Variants in SLC38A7 observed in about 807,000 individuals in gnomAD.
The protein encoded by SLC38A7 is solute carrier family 38 member 7.
SLC38A7 carries 29 observed loss-of-function variants against 50.1 expected under a neutral mutation model. That is an observed-to-expected ratio of 0.58 (90% CI 0.43 to 0.79). SLC38A7 has a LOEUF of 0.79. SLC38A7 is among the 30% of genes least tolerant of loss of function. The probability of loss-of-function intolerance (pLI) is 0.00; values close to 1 mark genes in which losing one functional copy is unlikely to be tolerated. For missense variants in SLC38A7, 483 were observed against 610.6 expected (o/e 0.79, Z 2.20); for synonymous variants, 244 against 245.9 (o/e 0.99, Z 0.07).
At position 58,667,418 on chromosome 16, in the gene SLC38A7, TG is replaced by T; in HGVS notation, c.1355del (p.Thr452LysfsTer38). The T allele has an allele frequency of 6.2e-7, 1 of 1,614,044 alleles. No individual in the cohort carries two copies. The highest frequency in any genetic ancestry group is 8.5e-7 in the Non-Finnish European group (1 of 1,180,034). On this transcript the variant is annotated frameshift_variant, in exon 12 of 12. Coordinates refer to ENST00000219320, the MANE Select transcript of SLC38A7 (RefSeq NM_018231.3). LOFTEE classifies it high-confidence loss of function. ...TLGAFIFGQT[T>X]ANAIFVDLLA The stretch of plus-strand genomic sequence containing the variant: ...AGAGATCCACAAAGATGGCGTTGGC[TG>T]TGGTCTGGCCGAAGATGAAGGCTCC...
intron 11 of SLC38A7, among the ~76,000 whole-genome samples, 196 bp downstream of exon 11, chr16:58,669,917 G>C (rs935208233): frequency 1.3e-5 from 2 of 151,788 alleles, no homozygotes; most frequent in African/African-American, 4.8e-5. Flanking sequence ...GGAGCTTGCA[G>C]TGAGCTGAGA....
intron 9 of SLC38A7, chr16:58,671,870 T>C: frequency 2.3e-6 from 1 of 433,508 alleles, no homozygotes; most frequent in Non-Finnish European, 4.0e-6. Flanking sequence ...TGCCATGCCA[T>C]GGATAGAGAT....
At chr16:58,668,713 CAA>C (rs71155292) in intron 11 of SLC38A7, among the ~76,000 whole-genome samples, 85 of 33,806 alleles carry the variant, frequency 2.5e-3, no homozygotes, top group African/African-American at 6.6e-3. Context: ...AACTCCATCT[CAA>C]AAAAAAAAAA....
intron 8 of SLC38A7, among the ~76,000 whole-genome samples, chr16:58,674,844 G>C (rs1475827760): frequency 2.0e-5 from 3 of 152,000 alleles, no homozygotes; most frequent in Non-Finnish European, 4.4e-5. Flanking sequence ...CCTTCTTCCA[G>C]GGTCTCCTAG....
chr16:58,669,490 C>G (rs562844099), intron 11 of SLC38A7, among the ~76,000 whole-genome samples: 2 of 152,188 alleles, frequency 1.3e-5, no homozygotes, highest in African/African-American at 4.8e-5. Context: ...TACACAGACA[C>G]GCACACATGT....
At chr16:58,670,917 G>A in intron 10 of SLC38A7, 128 bp downstream of exon 10, 1 of 985,962 alleles carries the variant, frequency 1.0e-6, no homozygotes, top group Non-Finnish European at 1.6e-6. Flanking sequence ...ACAGAGGCGA[G>A]ACAGGTGATC....
chr16:58,675,927 G>GT lies in SLC38A7; in HGVS notation c.883+12_883+13insA, dbSNP rs2044255930. On this transcript the variant is annotated intron_variant, in intron 8 of 11. Transcript: ENST00000219320. The stretch of plus-strand genomic sequence containing the variant: ...CACTCTAGTCCCAGGTCTTGGGGGG[G>GT]GGGAGCACTCACCTGTCCCCATGTA... The GT allele has an allele frequency of 1.3e-6, 2 of 1,594,734 alleles. No individual in the cohort carries two copies. The highest frequency in any genetic ancestry group is 1.3e-5 in the African/African-American group (1 of 74,510).
chr16:58,680,687 G>T (rs1460426479), intron 2 of SLC38A7, among the ~76,000 whole-genome samples: 1 of 151,986 alleles, frequency 6.6e-6, no homozygotes, highest in Non-Finnish European at 1.5e-5. Context: ...CACCCCACAG[G>T]GTCCCAAAAG....
intron 8 of SLC38A7, among the ~76,000 whole-genome samples, 176 bp downstream of exon 8, chr16:58,675,764 C>T (rs561779791): frequency 7.9e-5 from 12 of 152,164 alleles, no homozygotes; most frequent in Non-Finnish European, 1.3e-4. Context: ...TGGATGAATA[C>T]ACCACTCTCA....
chr16:58,677,553 CAG>C, intron 5 of SLC38A7, 129 bp from the exon 6 acceptor site: 1 of 763,298 alleles, frequency 1.3e-6, no homozygotes, highest in Non-Finnish European at 2.2e-6. Flanking sequence ...CTATGCCAAG[CAG>C]ACTCAGGAAA....
At position 58,672,115 on chromosome 16, in the gene SLC38A7, T is replaced by G. The variant is rs2044170831; in HGVS notation, c.1012A>C (p.Ile338Leu). 6.4e-7 allele frequency: 1 copy of G among 1,557,638 alleles called. No homozygotes were observed. Among genetic ancestry groups the G allele is most frequent in the African/African-American group, 1.4e-5 (1 of 72,994 alleles). The change falls in exon 9 of 12, where the codon ATC becomes CTC. Residue 338 changes from isoleucine (I) to leucine (L), a missense_variant. Physicochemically the swap from Ile to Leu is conservative, Grantham distance 5. Transcript: ENST00000219320. Reference sequence around the variant, plus strand: ...GCTCACCGCCCACAGAAGTGCAGGATAGGGTAGGAGGTGAGCACGCTCAGG... The same window carrying G: ...GCTCACCGCCCACAGAAGTGCAGGAGAGGGTAGGAGGTGAGCACGCTCAGG... The part of the protein sequence containing the change: ...IILSVLTSYP[I>L]LHFCGRAVVE...
rs2044168190 is a variant in SLC38A7, at chr16:58,672,016, G to C, written c.1031+80C>G. On this transcript the variant is annotated intron_variant, in intron 9 of 11. Coordinates refer to ENST00000219320, the MANE Select transcript of SLC38A7 (RefSeq NM_018231.3). Reference sequence around the variant, plus strand: ...TTCAGTTTCTCCTTCTACAGGATGGGGTCCACACAAGGCCAAAGGACCATG... The same window carrying C: ...TTCAGTTTCTCCTTCTACAGGATGGCGTCCACACAAGGCCAAAGGACCATG... 3.6e-6 allele frequency: 5 copies of C among 1,405,474 alleles called. No homozygotes were observed. In the South Asian group the frequency reaches 4.4e-5, roughly 12 times the overall value. The allele number at this position is 1,405,474 out of a possible 1,614,324, so 87.1% of individuals were successfully genotyped here. A position where few individuals can be genotyped will look rare whatever the true frequency, so the allele number is the denominator to read the frequency against.
At position 58,684,702 on chromosome 16, in the gene SLC38A7, T is replaced by C. The variant is rs2044455681; in HGVS notation, c.-340+15A>G. 6.6e-6 allele frequency: 1 copy of C among 152,298 alleles called. No individual in the cohort carries two copies. The highest frequency in any genetic ancestry group is 2.1e-4 in the South Asian group (1 of 4,836). 9.4% of individuals were successfully genotyped at this position (152,298 alleles called of 1,614,324 possible). A position where few individuals can be genotyped will look rare whatever the true frequency, so the allele number is the denominator to read the frequency against. On this transcript the variant is annotated intron_variant, in intron 1 of 11. Transcript: ENST00000219320. ...TAACACTTCCACCCTCCAGAGCCTG[T>C]CTCCGGCCACCTACCTTGGGGGATT...
At chr16:58,677,644 C>T (rs1231264087) in intron 5 of SLC38A7, 1 of 541,292 alleles carries the variant, frequency 1.8e-6, no homozygotes, top group Non-Finnish European at 3.3e-6. Flanking sequence ...GATCAGCATT[C>T]CTGGCCATCA....
intron 2 of SLC38A7, among the ~76,000 whole-genome samples, chr16:58,680,838 T>C (rs1162770384): frequency 2.0e-5 from 3 of 152,212 alleles, no homozygotes; most frequent in Non-Finnish European, 4.4e-5. Flanking sequence ...CAAGCCCCCA[T>C]GCCTGTCATG....
chr16:58,676,185 C>A, intron 7 of SLC38A7, 104 bp downstream of exon 7: 1 of 1,575,242 alleles, frequency 6.3e-7, no homozygotes, highest in South Asian at 1.1e-5. Context: ...TCCTTCCCCC[C>A]AGGATTTCCT....
chr16:58,683,006 T>A (rs2044424286), intron 2 of SLC38A7, among the ~76,000 whole-genome samples: 1 of 151,818 alleles, frequency 6.6e-6, no homozygotes, highest in African/African-American at 2.4e-5. Flanking sequence ...TTCTCCCATG[T>A]GACTTCTCCC....
chr16:58,680,700 C>T lies in SLC38A7; in HGVS notation c.-115-459G>A, dbSNP rs146788646. On this transcript the variant is annotated intron_variant, in intron 2 of 11. Transcript: ENST00000219320. ...TCCACCCCACAGGGTCCCAAAAGGA[C>T]CCCTTACCAAGAACTGAGATTCAAC... Among the ~76,000 whole-genome samples, 1,358 of 152,242 alleles carry T rather than the reference C, an allele frequency of 8.9e-3. 24 individuals are homozygous for T. Among genetic ancestry groups the T allele is most frequent in the African/African-American group, 0.03 (1,231 of 41,544 alleles).
rs1450992522 is a variant in SLC38A7 at position 58,676,034 on chromosome 16, G to A, written c.789C>T (p.Pro263=). The change falls in exon 8 of 12, where the codon CCC becomes CCT. Residue 263 remains proline, a synonymous_variant. Coordinates refer to ENST00000219320, the MANE Select transcript of SLC38A7 (RefSeq NM_018231.3). ...CAGGCTGCTGCATGCTGTTGAAGAC[G>A]GGCACACTGCTGACGTGGCACTGTC... is the stretch of plus-strand genomic sequence containing the variant. ...FGFQCHVSSV[P]VFNSMQQPEV... is the part of the protein sequence containing the mutation. The A allele has an allele frequency of 4.3e-6, 7 of 1,613,320 alleles. No individual in the cohort carries two copies. The highest frequency in any genetic ancestry group is 1.7e-5 in the Admixed American group (1 of 59,920).
Sources: gnomAD v4.1 joint callset for allele counts (sites outside exome capture counted in the v4.1 genomes callset) on GRCh38, gnomAD v4.1.1 for gene constraint, MANE v1.5 for transcripts, NCBI Gene and HGNC (gene_info 2026-07-23, HGNC 2026-07-21) for gene names.